Variants in DCDC2 observed in about 807,000 individuals in gnomAD.
DCDC2 encodes the protein doublecortin domain-containing protein 2.
In DCDC2, 40 loss-of-function variants were observed where a neutral mutation model predicts 50.2. That is an observed-to-expected ratio of 0.80 (90% CI 0.62 to 1.04). The LOEUF (loss-of-function observed/expected upper bound fraction) is 1.04, where lower values mean the gene tolerates loss of function less well. Ranked by LOEUF, DCDC2 falls within the 50% of genes least tolerant of loss-of-function variation. The pLI is 0.00. For synonymous variants in DCDC2, 234 were observed against 210.6 expected, an observed-to-expected ratio of 1.11 and a Z score of -0.96; for missense variants, 570 against 581.9, an observed-to-expected ratio of 0.98 and a Z score of 0.21.
chr6:24,357,670 G>A lies in DCDC2; in HGVS notation c.81C>T (p.Pro27=), dbSNP rs1273363555. 3 of 1,613,306 alleles carry A rather than the reference G, an allele frequency of 1.9e-6. No individual in the cohort carries two copies. Among genetic ancestry groups the A allele is most frequent in the African/African-American group, 1.3e-5 (1 of 74,940 alleles). The change falls in exon 1 of 10, where the codon CCC becomes CCT. Residue 27 remains proline (P), a synonymous_variant. Coordinates refer to ENST00000378454, the MANE Select transcript of DCDC2 (RefSeq NM_016356.5). ...KSVLVYRNGD[P]FYAGRRVVIH... ...TGACGACGCGGCGCCCCGCGTAGAA[G>A]GGGTCCCCGTTGCGGTACACAAGCA...
At chr6:24,286,317 G>C (rs1202014638) in intron 6 of DCDC2, among the ~76,000 whole-genome samples, 1 of 152,170 alleles carries the variant, frequency 6.6e-6, no homozygotes, top group Non-Finnish European at 1.5e-5. Flanking sequence ...CTCAGGCCAG[G>C]TGCGGTGGCT....
intron 7 of DCDC2, among the ~76,000 whole-genome samples, chr6:24,248,653 C>T (rs929602265): frequency 2.0e-5 from 3 of 152,134 alleles, no homozygotes; most frequent in Non-Finnish European, 4.4e-5. Flanking sequence ...TTTGTAATTC[C>T]CTCGAGGGCA....
chr6:24,374,160 T>TC, the DCDC2 span, among the ~76,000 whole-genome samples: 1 of 106,332 alleles, frequency 9.4e-6, no homozygotes, highest in African/African-American at 3.9e-5. Context: ...AGACTCCATT[T>TC]CAAAAAAAAA....
Position 24,191,460 on chromosome 6 carries a change from A to C in DCDC2, c.1024-12828T>G, listed in dbSNP as rs116101429. On this transcript the variant is annotated intron_variant, in intron 8 of 9. Coordinates refer to ENST00000378454, the MANE Select transcript of DCDC2 (RefSeq NM_016356.5). ...TGTAGACCAATGGTCACAAGTTCAA[A>C]TGATCCCAGGGACAGGTCAAAAAAC... Among the ~76,000 whole-genome samples, 452 of 152,334 alleles carry C rather than the reference A, an allele frequency of 3.0e-3. 1 individual carries two copies. The highest frequency in any genetic ancestry group is 9.8e-3 in the African/African-American group (409 of 41,580).
intron 7 of DCDC2, among the ~76,000 whole-genome samples, chr6:24,220,725 C>G (rs904052642): frequency 2.0e-5 from 3 of 152,128 alleles, no homozygotes; most frequent in Non-Finnish European, 2.9e-5. Context: ...CTGCCTGAGA[C>G]TAGGTAATTT....
chr6:24,347,110 C>T (rs1266162921), intron 2 of DCDC2, among the ~76,000 whole-genome samples: 4 of 152,070 alleles, frequency 2.6e-5, no homozygotes, highest in Non-Finnish European at 4.4e-5. Context: ...AAATACTTTC[C>T]AGGAATTAGG....
At chr6:24,279,577 T>G (rs1763427212) in intron 6 of DCDC2, among the ~76,000 whole-genome samples, 1 of 152,050 alleles carries the variant, frequency 6.6e-6, no homozygotes, top group African/African-American at 2.4e-5. Flanking sequence ...TGAGACCCCA[T>G]CTCTAACAAA....
At chr6:24,265,840 A>G (rs930030139) in intron 7 of DCDC2, among the ~76,000 whole-genome samples, 2 of 152,014 alleles carry the variant, frequency 1.3e-5, no homozygotes, top group African/African-American at 4.8e-5. Context: ...ATAATGATGT[A>G]TCTTAACTAG....
chr6:24,190,665 A>G (rs1376256099), intron 8 of DCDC2, among the ~76,000 whole-genome samples: 1 of 152,240 alleles, frequency 6.6e-6, no homozygotes, highest in African/African-American at 2.4e-5. Context: ...TATCATTTAA[A>G]TACAAGTCTA....
chr6:24,220,333 G>A (rs1762070962), intron 7 of DCDC2, among the ~76,000 whole-genome samples: 2 of 152,050 alleles, frequency 1.3e-5, no homozygotes, highest in African/African-American at 4.8e-5. Flanking sequence ...ATTAATAATG[G>A]ACATTTTTAA....
Position 24,302,139 on chromosome 6 carries a change from G to C in DCDC2, c.349-95C>G. 1.2e-5 allele frequency: 13 copies of C among 1,044,772 alleles called. No individual in the cohort carries two copies. In the South Asian group the frequency reaches 2.1e-4, roughly 17 times the overall value. 64.7% of individuals were successfully genotyped at this position (1,044,772 alleles called of 1,614,324 possible). A position where few individuals can be genotyped will look rare whatever the true frequency, so the allele number is the denominator to read the frequency against. ...ATCTACAGTTTCTAGGGAACTGCCT[G>C]AGACTTCCTGTGCCTTTGTTAAAAC... On this transcript the variant is annotated intron_variant, in intron 2 of 9. Coordinates refer to ENST00000378454, the MANE Select transcript of DCDC2 (RefSeq NM_016356.5).
intron 6 of DCDC2, among the ~76,000 whole-genome samples, chr6:24,283,019 A>C (rs1341877182): frequency 6.6e-6 from 1 of 152,176 alleles, no homozygotes; most frequent in Non-Finnish European, 1.5e-5. Flanking sequence ...TGATCCTGTA[A>C]ACTACTGACC....
At chr6:24,185,522 T>C (rs1178270627) in intron 8 of DCDC2, among the ~76,000 whole-genome samples, 1 of 151,904 alleles carries the variant, frequency 6.6e-6, no homozygotes, top group Non-Finnish European at 1.5e-5. Context: ...GGCAAAAAAA[T>C]AAAAATGCTG....
chr6:24,180,256 C>T (rs1410072887), intron 8 of DCDC2, among the ~76,000 whole-genome samples: 1 of 152,070 alleles, frequency 6.6e-6, no homozygotes, highest in Non-Finnish European at 1.5e-5. Context: ...TTCTTCAATG[C>T]TATCAATAAA....
At chr6:24,276,289 C>T (rs1763356104) in intron 7 of DCDC2, among the ~76,000 whole-genome samples, 2 of 152,106 alleles carry the variant, frequency 1.3e-5, no homozygotes, top group South Asian at 2.1e-4. Flanking sequence ...TCTCTTTCTT[C>T]CAGGTGACAA....
At chr6:24,229,466 C>A (rs1228610336) in intron 7 of DCDC2, among the ~76,000 whole-genome samples, 1 of 152,168 alleles carries the variant, frequency 6.6e-6, no homozygotes, top group Admixed American at 6.5e-5. Flanking sequence ...TGATTAGCAA[C>A]CTTAATTCCC....
intron 7 of DCDC2, among the ~76,000 whole-genome samples, chr6:24,266,021 G>A (rs1400556988): frequency 6.6e-6 from 1 of 151,846 alleles, no homozygotes. Flanking sequence ...ACAGAACAGA[G>A]AACCCAGAAA....
At chr6:24,271,224 A>AAAAAAAAAAAAAAAG (rs919124775) in intron 7 of DCDC2, among the ~76,000 whole-genome samples, 9 of 143,010 alleles carry the variant, frequency 6.3e-5, no homozygotes, top group African/African-American at 1.1e-4. Flanking sequence ...AAAAAAAAAA[A>AAAAAAAAAAAAAAAG]AGAGAGAGAG....
chr6:24,185,682 TACAC>T (rs1226825538), intron 8 of DCDC2, among the ~76,000 whole-genome samples: 1 of 74,194 alleles, frequency 1.3e-5, no homozygotes, highest in African/African-American at 5.3e-5. Context: ...CACCCATCCA[TACAC>T]ATACACACAC....
Sources: allele counts gnomAD v4.1 joint callset (sites outside exome capture counted in the v4.1 genomes callset), GRCh38; gene constraint gnomAD v4.1.1; transcripts MANE v1.5; gene names NCBI Gene and HGNC (gene_info 2026-07-23, HGNC 2026-07-21).